Variants in KCNB2 observed in about 807,000 individuals in gnomAD.
The protein encoded by KCNB2 is potassium voltage-gated channel subfamily B member 2.
In KCNB2, 15 loss-of-function variants were observed where a neutral mutation model predicts 61.5. That is an observed-to-expected ratio of 0.24 (90% CI 0.16 to 0.38). The LOEUF is 0.38. KCNB2 is among the 10% of genes least tolerant of loss of function. KCNB2 has a pLI of 1.00. For missense variants in KCNB2, 828 were observed against 1,125.2 expected (o/e 0.74, Z 3.78); for synonymous variants, 457 against 446.0 (o/e 1.02, Z -0.31).
At chr8:72,834,378 A>G (rs1202010432) in intron 2 of KCNB2, among the ~76,000 whole-genome samples, 1 of 152,186 alleles carries the variant, frequency 6.6e-6, no homozygotes, top group East Asian at 1.9e-4. Flanking sequence ...TTCATAGGAG[A>G]AAATAATAGC....
In KCNB2 at chr8:72,578,348, G is replaced by A. The variant is rs142784217; in HGVS notation, c.579+10035G>A. On this transcript the variant is annotated intron_variant, in intron 2 of 2. Transcript: ENST00000523207. The stretch of plus-strand genomic sequence containing the variant: ...CCATACTACAGATGGAATGAACTAT[G>A]TATGCAGTGAAAATATGAAATAGTA... Among the ~76,000 whole-genome samples, 5 of 152,292 alleles carry A rather than the reference G, an allele frequency of 3.3e-5. No individual in the cohort carries two copies. The East Asian group carries it at 7.7e-4, about 24-fold the overall frequency.
chr8:72,730,660 C>T (rs1807724960), intron 2 of KCNB2, among the ~76,000 whole-genome samples: 1 of 152,060 alleles, frequency 6.6e-6, no homozygotes, highest in Admixed American at 6.6e-5. Context: ...ACTTTGAATA[C>T]TGAACCTCCA....
Position 72,595,145 on chromosome 8 carries a change from A to G in KCNB2, c.579+26832A>G, listed in dbSNP as rs202176915. Among the ~76,000 whole-genome samples, 17 of 152,088 alleles carry G rather than the reference A, an allele frequency of 1.1e-4. No homozygotes were observed. In the East Asian group the frequency reaches 3.1e-3, roughly 28 times the overall value. On this transcript the variant is annotated intron_variant, in intron 2 of 2. Coordinates refer to ENST00000523207, the MANE Select transcript of KCNB2 (RefSeq NM_004770.3). Reference sequence around the variant, plus strand: ...TAGCAACAAGTCCTAACTCCCTAACAGAGCCCTTCCTGTGCACCTCCCCAC... The same window carrying G: ...TAGCAACAAGTCCTAACTCCCTAACGGAGCCCTTCCTGTGCACCTCCCCAC...
At chr8:72,553,765 A>G (rs922118251) in intron 1 of KCNB2, among the ~76,000 whole-genome samples, 3 of 152,164 alleles carry the variant, frequency 2.0e-5, no homozygotes, top group African/African-American at 4.8e-5. Flanking sequence ...AAACATCTAT[A>G]TGAAGCTAAA....
At chr8:72,611,235 A>G (rs1212405140) in intron 2 of KCNB2, among the ~76,000 whole-genome samples, 2 of 152,326 alleles carry the variant, frequency 1.3e-5, no homozygotes, top group East Asian at 3.9e-4. Flanking sequence ...TTAAAATATC[A>G]TTTTTAAAGT....
chr8:72,937,197 A>G lies in KCNB2; in HGVS notation c.1842A>G (p.Thr614=). Residue 614 remains threonine, a synonymous_variant, in exon 3 of 3, where the codon ACA becomes ACG. Coordinates refer to ENST00000523207, the MANE Select transcript of KCNB2 (RefSeq NM_004770.3). ...TCACCAGCTGTGCCACCGACTTCAC[A>G]GAGACAGAGAGATCGCCGCTGCCGC... ...DSFTSCATDF[T]ETERSPLPPP... The G allele has an allele frequency of 6.2e-7, 1 of 1,614,128 alleles. No homozygotes were observed. Among genetic ancestry groups the G allele is most frequent in the Non-Finnish European group, 8.5e-7 (1 of 1,180,026 alleles).
intron 2 of KCNB2, among the ~76,000 whole-genome samples, chr8:72,721,542 A>C (rs151145046): frequency 6.6e-6 from 1 of 152,228 alleles, no homozygotes; most frequent in South Asian, 2.1e-4. Context: ...GAAAAATAAG[A>C]TGTCAAAGGC....
chr8:72,724,630 T>C (rs780943632), intron 2 of KCNB2, among the ~76,000 whole-genome samples: 12 of 152,180 alleles, frequency 7.9e-5, no homozygotes, highest in Non-Finnish European at 1.5e-4. Flanking sequence ...GAATTTCAGA[T>C]AAATAACAAT....
rs1369310078 is a variant in KCNB2, at chr8:72,840,526, A to G, written c.580-95409A>G. Among the ~76,000 whole-genome samples, 3 of 152,228 alleles carry G rather than the reference A, an allele frequency of 2.0e-5. 1 individual carries two copies. The highest frequency in any genetic ancestry group is 4.1e-4 in the South Asian group (2 of 4,826). ...TGAACGAATTTACTCTCCCACCAAC[A>G]GTGTAAAAGCGTTCCTATTTCTCCA... On this transcript the variant is annotated intron_variant, in intron 2 of 2. Transcript: ENST00000523207.
At chr8:72,730,659 A>G (rs531456384) in intron 2 of KCNB2, among the ~76,000 whole-genome samples, 5 of 152,314 alleles carry the variant, frequency 3.3e-5, no homozygotes, top group African/African-American at 1.2e-4. Flanking sequence ...TACTTTGAAT[A>G]CTGAACCTCC....
At chr8:72,923,352 G>A (rs1806562276) in intron 2 of KCNB2, among the ~76,000 whole-genome samples, 1 of 152,126 alleles carries the variant, frequency 6.6e-6, no homozygotes, top group East Asian at 1.9e-4. Context: ...CGGTTTTGTA[G>A]GGCCATTTCA....
intron 1 of KCNB2, among the ~76,000 whole-genome samples, chr8:72,555,996 A>G (rs972556593): frequency 5.3e-5 from 8 of 152,196 alleles, no homozygotes; most frequent in Admixed American, 5.2e-4. Flanking sequence ...GTCCATAGTA[A>G]CATTGTCTGT....
rs1806969874 is a variant in KCNB2 at position 72,938,086 on chromosome 8, A to C, written c.2731A>C (p.Met911Leu). The change falls in exon 3 of 3, where the codon ATG becomes CTG. Residue 911 changes from methionine (M) to leucine (L), a missense_variant. By Grantham distance (15) the Met-to-Leu change is conservative (BLOSUM62 2). Transcript: ENST00000523207. ...TGYCPTRETS[M>L] ...TTATTGTCCCACACGTGAAACCAGCATGTGACTAGTTACAAAAGCAATAAA... is the reference window on the plus strand; with the variant it reads ...TTATTGTCCCACACGTGAAACCAGCCTGTGACTAGTTACAAAAGCAATAAA... The C allele has an allele frequency of 7.6e-6, 12 of 1,586,130 alleles. No individual in the cohort carries two copies. Among genetic ancestry groups the C allele is most frequent in the Non-Finnish European group, 1.0e-5 (12 of 1,166,902 alleles).
rs575356202 is a variant in KCNB2, at chr8:72,778,105, G to A, written c.580-157830G>A. On this transcript the variant is annotated intron_variant, in intron 2 of 2. Transcript: ENST00000523207. ...GAATTGTCTAAAATAGCATCCATGA[G>A]AGTTAATAGCTCCTGTGGGTGGACC... 9.2e-5 allele frequency among the ~76,000 whole-genome samples: 14 copies of A among 152,238 alleles called. 2 individuals are homozygous for A. In the South Asian group the frequency reaches 2.7e-3, roughly 29 times the overall value.
intron 2 of KCNB2, among the ~76,000 whole-genome samples, chr8:72,729,168 T>G (rs1168829386): frequency 6.6e-6 from 1 of 152,200 alleles, no homozygotes; most frequent in Non-Finnish European, 1.5e-5. Context: ...GTGGTAAAGA[T>G]GGTGTAAAGC....
At chr8:72,823,094 A>G (rs16938405) in intron 2 of KCNB2, among the ~76,000 whole-genome samples, 34,944 of 151,988 alleles carry the variant, frequency 0.23, 4,253 homozygotes, top group Non-Finnish European at 0.28. Flanking sequence ...GCACTCCCTC[A>G]TGTTCTGAGC....
At chr8:72,763,924 A>C (rs1468196581) in intron 2 of KCNB2, among the ~76,000 whole-genome samples, 1 of 152,162 alleles carries the variant, frequency 6.6e-6, no homozygotes, top group Non-Finnish European at 1.5e-5. Flanking sequence ...GTGGAGGAGA[A>C]GCAGCATCCG....
At chr8:72,668,059 A>G (rs1398219505) in intron 2 of KCNB2, among the ~76,000 whole-genome samples, 1 of 152,236 alleles carries the variant, frequency 6.6e-6, no homozygotes, top group Admixed American at 6.5e-5. Flanking sequence ...TTGGGCTGAA[A>G]TCAACAAAAG....
At chr8:72,612,570 C>T (rs11984609) in intron 2 of KCNB2, among the ~76,000 whole-genome samples, 2,237 of 152,182 alleles carry the variant, frequency 0.015, 46 homozygotes, top group African/African-American at 0.052. Context: ...AAACACTTGC[C>T]CCTGAAAATC....
Sources: allele counts gnomAD v4.1 joint callset (sites outside exome capture counted in the v4.1 genomes callset), GRCh38; gene constraint gnomAD v4.1.1; transcripts MANE v1.5; gene names NCBI Gene and HGNC (gene_info 2026-07-23, HGNC 2026-07-21).